Variants in TSHZ3 observed in about 807,000 individuals in gnomAD.
TSHZ3 encodes teashirt zinc finger homeobox 3, also known as teashirt homolog 3.
A neutral mutation model predicts 64.5 loss-of-function variants in TSHZ3; 10 were observed. The ratio of observed to expected loss-of-function variants is 0.16; its 90% CI spans 0.10 to 0.26. The LOEUF is 0.26. TSHZ3 is among the 10% of genes least tolerant of loss of function. The pLI, the probability that TSHZ3 is intolerant of heterozygous loss-of-function variation, is 1.00. For missense variants in TSHZ3, 1,242 were observed against 1,421.7 expected, an observed-to-expected ratio of 0.87 and a Z score of 2.03; for synonymous variants, 608 against 593.1, an observed-to-expected ratio of 1.03 and a Z score of -0.36.
rs186136748 is a variant in TSHZ3 at position 31,170,130 on chromosome 19, G to T, written n.810-13713C>A. Among the ~76,000 whole-genome samples, 7 of 152,316 alleles carry T rather than the reference G, an allele frequency of 4.6e-5. No individual in the cohort carries two copies. In the East Asian group the frequency reaches 1.4e-3, roughly 29 times the overall value. On this transcript the variant is annotated intron_variant and non_coding_transcript_variant, in intron 5 of 6. Transcript: ENST00000651361. ...ACTGTTGCTGATTGGGGACAAATGTGATGAGTGTTGGGGGCTTAAACAACA... is the reference window on the plus strand; with the variant it reads ...ACTGTTGCTGATTGGGGACAAATGTTATGAGTGTTGGGGGCTTAAACAACA...
chr19:31,233,953 C>T (rs1003173950), intron 3 of TSHZ3, among the ~76,000 whole-genome samples: 6 of 147,340 alleles, frequency 4.1e-5, no homozygotes, highest in African/African-American at 1.5e-4. Context: ...AAAAAAAAAG[C>T]CTGCTGAGAT....
chr19:31,301,319 C>T lies in TSHZ3; in HGVS notation c.41-21567G>A, dbSNP rs545994220. 5.3e-5 allele frequency among the ~76,000 whole-genome samples: 8 copies of T among 152,278 alleles called. No individual in the cohort carries two copies. In the South Asian group the frequency reaches 1.7e-3, roughly 32 times the overall value. On this transcript the variant is annotated intron_variant, in intron 1 of 1. Transcript: ENST00000240587. ...ACCTTCCAAGCCCAGTGAACAGCAG[C>T]ATTGGTTTTCTTCCTGTTGGTGTAG...
intron 5 of TSHZ3, among the ~76,000 whole-genome samples, chr19:31,181,811 C>G (rs969457755): frequency 6.6e-6 from 1 of 152,152 alleles, no homozygotes; most frequent in Non-Finnish European, 1.5e-5. Flanking sequence ...ATATTTTCAG[C>G]CAATTTCATC....
At chr19:31,163,654 C>T (rs970143092) in intron 5 of TSHZ3, among the ~76,000 whole-genome samples, 7 of 152,174 alleles carry the variant, frequency 4.6e-5, no homozygotes, top group African/African-American at 1.7e-4. Flanking sequence ...TCACTTGAAC[C>T]TGGGACGCAG....
chr19:31,346,969 G>A (rs967330901), intron 1 of TSHZ3, among the ~76,000 whole-genome samples: 1 of 151,978 alleles, frequency 6.6e-6, no homozygotes, highest in Non-Finnish European at 1.5e-5. Context: ...GTATGGGAAA[G>A]AAATAAAGCA....
At chr19:31,190,163 T>C (rs1397340829) in intron 5 of TSHZ3, among the ~76,000 whole-genome samples, 1 of 152,194 alleles carries the variant, frequency 6.6e-6, no homozygotes, top group Non-Finnish European at 1.5e-5. Flanking sequence ...CTTAAATGGC[T>C]GGAACTTAAA....
At chr19:31,330,712 G>C (rs964357180) in intron 1 of TSHZ3, among the ~76,000 whole-genome samples, 5 of 151,568 alleles carry the variant, frequency 3.3e-5, no homozygotes, top group East Asian at 1.9e-4. Flanking sequence ...CCTTGGGCGG[G>C]GGGAGGAAAG....
intron 1 of TSHZ3, among the ~76,000 whole-genome samples, chr19:31,264,149 T>A (rs1976018162): frequency 6.6e-6 from 1 of 152,180 alleles, no homozygotes; most frequent in Non-Finnish European, 1.5e-5. Flanking sequence ...ATCTTCCCGG[T>A]CTGCATCTGG....
chr19:31,211,728 G>T (rs1320817049), intron 4 of TSHZ3, among the ~76,000 whole-genome samples: 2 of 152,194 alleles, frequency 1.3e-5, no homozygotes, highest in African/African-American at 4.8e-5. Context: ...TTCCAGCAGT[G>T]AGGAGCGGGG....
rs139613009 is a variant in TSHZ3 at position 31,296,735 on chromosome 19, C to T, written c.41-16983G>A. Among the ~76,000 whole-genome samples the T allele has an allele frequency of 9.0e-4, 137 of 152,342 alleles. 2 individuals are homozygous for T. Among genetic ancestry groups the T allele is most frequent in the African/African-American group, 3.0e-3 (123 of 41,586 alleles). ...CTGGGCACCGTCAGCCTAGAAGACA[C>T]AGTGCCTGGTCCCAGGGAGTGGGCA... On this transcript the variant is annotated intron_variant, in intron 1 of 1. Coordinates refer to ENST00000240587, the MANE Select transcript of TSHZ3 (RefSeq NM_020856.4).
At chr19:31,284,505 C>T (rs1211466795) in intron 1 of TSHZ3, among the ~76,000 whole-genome samples, 2 of 152,150 alleles carry the variant, frequency 1.3e-5, no homozygotes, top group Non-Finnish European at 2.9e-5. Context: ...GGAAGGGAGT[C>T]CTCCACCATT....
At chr19:31,306,427 A>T (rs1007427700) in intron 1 of TSHZ3, among the ~76,000 whole-genome samples, 6 of 152,172 alleles carry the variant, frequency 3.9e-5, no homozygotes, top group Non-Finnish European at 8.8e-5. Flanking sequence ...GTTAATGCAA[A>T]GTGATCGCAA....
chr19:31,330,893 A>C (rs1421871710), intron 1 of TSHZ3, among the ~76,000 whole-genome samples: 1 of 152,088 alleles, frequency 6.6e-6, no homozygotes, highest in Non-Finnish European at 1.5e-5. Context: ...TGACATGCCC[A>C]AAAACTGACA....
At chr19:31,245,896 C>T (rs1319290191) in intron 1 of TSHZ3, among the ~76,000 whole-genome samples, 3 of 152,150 alleles carry the variant, frequency 2.0e-5, no homozygotes, top group Admixed American at 6.5e-5. Flanking sequence ...AAAATATAAA[C>T]GTCCTAAGTC....
chr19:31,297,834 G>A (rs989289562), intron 1 of TSHZ3, among the ~76,000 whole-genome samples: 2 of 152,088 alleles, frequency 1.3e-5, no homozygotes, highest in Non-Finnish European at 2.9e-5. Flanking sequence ...AACCAGGATA[G>A]GTACAACCCC....
At chr19:31,248,385 C>G (rs998196651) in intron 1 of TSHZ3, among the ~76,000 whole-genome samples, 1 of 152,108 alleles carries the variant, frequency 6.6e-6, no homozygotes, top group Non-Finnish European at 1.5e-5. Context: ...AAAGAAATGG[C>G]AAGTTTAAAG....
At chr19:31,222,183 C>A (rs965664998) in intron 4 of TSHZ3, among the ~76,000 whole-genome samples, 1 of 152,160 alleles carries the variant, frequency 6.6e-6, no homozygotes, top group Non-Finnish European at 1.5e-5. Flanking sequence ...GTAGAATGTA[C>A]ATCTGTAAGT....
chr19:31,282,497 C>T (rs1360937213), intron 1 of TSHZ3, among the ~76,000 whole-genome samples: 1 of 152,138 alleles, frequency 6.6e-6, no homozygotes, highest in African/African-American at 2.4e-5. Context: ...AACCCAGGGG[C>T]TCTGCCAGCC....
At chr19:31,289,324 G>C (rs528021701) in intron 1 of TSHZ3, among the ~76,000 whole-genome samples, 1 of 152,204 alleles carries the variant, frequency 6.6e-6, no homozygotes, top group African/African-American at 2.4e-5. Flanking sequence ...CTGCTGGGGT[G>C]AGAGCTCCCA....
Sources: gnomAD v4.1 joint callset for allele counts (sites outside exome capture counted in the v4.1 genomes callset) on GRCh38, gnomAD v4.1.1 for gene constraint, MANE v1.5 for transcripts, NCBI Gene and HGNC (gene_info 2026-07-23, HGNC 2026-07-21) for gene names.